Variants in CT45A10 observed in about 807,000 individuals in gnomAD.
The protein encoded by CT45A10 is cancer/testis antigen family 45 member A10.
CT45A10 carries 19 observed loss-of-function variants against 8.3 expected under a neutral mutation model. The ratio of observed to expected loss-of-function variants is 2.30; its 90% CI spans 1.61 to 3.38. The LOEUF is 3.38. Ranked by LOEUF, CT45A10 falls within the 30% of genes most tolerant of loss-of-function variation. CT45A10 has a pLI of 0.00. For missense variants in CT45A10, 149 were observed against 85.9 expected (o/e 1.73, Z -2.90); for synonymous variants, 28 against 26.5 (o/e 1.06, Z -0.17).
intron 1 of CT45A10, among the ~76,000 whole-genome samples, chrX:135,889,921 C>A (rs1318039544): frequency 1.8e-5 from 2 of 111,529 alleles, no homozygotes; most frequent in Admixed American, 1.9e-4. Context: ...TAATTTCAAC[C>A]CCTGACCTAA....
At chrX:135,882,042 C>T (rs1380555977) in intron 4 of CT45A10, among the ~76,000 whole-genome samples, 440 of 48,033 alleles carry the variant, frequency 9.2e-3, no homozygotes, top group African/African-American at 0.041. Context: ...AATAAGATGT[C>T]GTATTTCATA....
chrX:135,892,156 A>G (rs2088509818), intron 1 of CT45A10, among the ~76,000 whole-genome samples: 1 of 111,476 alleles, frequency 9.0e-6, no homozygotes, highest in African/African-American at 3.3e-5. Flanking sequence ...CCCCATCTCT[A>G]CTAAAAAATA....
chrX:135,888,036 C>A (rs1208908007), intron 1 of CT45A10, among the ~76,000 whole-genome samples: 302 of 111,224 alleles, frequency 2.7e-3, no homozygotes, highest in African/African-American at 8.8e-3. Flanking sequence ...CAACCTGGGT[C>A]GAGACAGAGT....
At position 135,890,693 on chromosome X, in the gene CT45A10, TAA is replaced by T. The variant is rs782340040; in HGVS notation, c.-7+2650_-7+2651del. ...CCTTCCATGGAATGGAAGACATTAT[TAA>T]GAGACATTATTGTTAATTCTCTCAG... On this transcript the variant is annotated intron_variant, in intron 1 of 4. Coordinates refer to ENST00000682849, the MANE Select transcript of CT45A10 (RefSeq NM_001291529.2). Among the ~76,000 whole-genome samples the T allele has an allele frequency of 4.5e-5, 5 of 112,352 alleles. No homozygotes were observed. The East Asian group carries it at 1.4e-3, about 31-fold the overall frequency.
At chrX:135,892,534 C>A (rs962288639) in intron 1 of CT45A10, among the ~76,000 whole-genome samples, 5 of 111,034 alleles carry the variant, frequency 4.5e-5, no homozygotes, top group African/African-American at 9.8e-5. Flanking sequence ...AGGAAAAGCA[C>A]CCAACCCTGG....
At chrX:135,891,376 A>T (rs1556589981) in intron 1 of CT45A10, among the ~76,000 whole-genome samples, 1 of 107,940 alleles carries the variant, frequency 9.3e-6, no homozygotes, top group Non-Finnish European at 1.9e-5. Flanking sequence ...ATATACATTA[A>T]TCATATATAA....
At chrX:135,892,172 A>G (rs782172057) in intron 1 of CT45A10, among the ~76,000 whole-genome samples, 18 of 111,602 alleles carry the variant, frequency 1.6e-4, no homozygotes, top group East Asian at 5.6e-4. Context: ...AAATACAAAG[A>G]TTAGCCAGGC....
intron 1 of CT45A10, among the ~76,000 whole-genome samples, 191 bp downstream of exon 1, chrX:135,893,154 G>A (rs782791474): frequency 2.5e-4 from 28 of 110,819 alleles, no homozygotes; most frequent in South Asian, 1.6e-3. Context: ...CAAGGAAAAC[G>A]CTCCCCCATG....
chrX:135,889,144 G>A, intron 1 of CT45A10: 1 of 581,677 alleles, frequency 1.7e-6, no homozygotes, highest in Non-Finnish European at 2.1e-6. Flanking sequence ...CAGAGAACCA[G>A]GAAGCGCAGC....
chrX:135,889,600 C>G (rs1184944392), intron 1 of CT45A10, among the ~76,000 whole-genome samples: 1 of 111,501 alleles, frequency 9.0e-6, no homozygotes, highest in Admixed American at 9.5e-5. Context: ...CCTGTAATGT[C>G]AGCACCTTGG....
At chrX:135,882,952 CAT>C (rs1415825938) in intron 3 of CT45A10, 54 bp downstream of exon 3, 42 of 1,163,471 alleles carry the variant, frequency 3.6e-5, no homozygotes, top group Non-Finnish European at 4.9e-5. Flanking sequence ...TCTTCTGAAT[CAT>C]AGAAAGAGTG....
In CT45A10 at chrX:135,882,954, T is replaced by C. The variant is rs1357736478; in HGVS notation, c.418+54A>G. 1.2e-5 allele frequency: 14 copies of C among 1,168,761 alleles called. 1 individual carries two copies. The highest frequency in any genetic ancestry group is 5.4e-5 in the African/African-American group (3 of 55,886). The stretch of plus-strand genomic sequence containing the variant: ...GGTAACATGGATATCTTCTGAATCA[T>C]AGAAAGAGTGACTTCCTACAGTTTT... On this transcript the variant is annotated intron_variant, in intron 3 of 4. Transcript: ENST00000682849.
intron 2 of CT45A10, among the ~76,000 whole-genome samples, chrX:135,883,589 C>G (rs1483773559): frequency 9.4e-6 from 1 of 105,978 alleles, no homozygotes; most frequent in African/African-American, 3.5e-5. Flanking sequence ...AAGCAACATT[C>G]ACAGATCCCT....
intron 4 of CT45A10, among the ~76,000 whole-genome samples, chrX:135,882,043 G>A (rs1160796694): frequency 4.0e-5 from 2 of 49,763 alleles, no homozygotes; most frequent in African/African-American, 8.4e-5. Flanking sequence ...ATAAGATGTC[G>A]TATTTCATAG....
Position 135,883,056 on chromosome X carries a change from C to A in CT45A10, c.370G>T (p.Ala124Ser), listed in dbSNP as rs1462349676. 2 of 1,197,198 alleles carry A rather than the reference C, an allele frequency of 1.7e-6. No individual in the cohort carries two copies. The highest frequency in any genetic ancestry group is 3.5e-5 in the African/African-American group (2 of 56,479). ...TTCACTACTTGACATTTTATATCAG[C>A]ATTAATTTCTTGTTGGCTTTTGGGA... ...SSPKSQQEIN[A>S]DIKCQVVKEI... The change falls in exon 3 of 5, where the codon GCT becomes TCT. Residue 124 changes from alanine to serine, a missense_variant. Ala to Ser is a moderately conservative substitution (Grantham distance 99). Coordinates refer to ENST00000682849, the MANE Select transcript of CT45A10 (RefSeq NM_001291529.2).
chrX:135,883,642 G>T (rs1733461123), intron 2 of CT45A10, among the ~76,000 whole-genome samples: 1 of 90,576 alleles, frequency 1.1e-5, no homozygotes, highest in African/African-American at 4.1e-5. Flanking sequence ...TTTACAAGGT[G>T]AAAGCAGCAA....
intron 1 of CT45A10, among the ~76,000 whole-genome samples, chrX:135,893,141 G>A (rs1018969993): frequency 8.1e-5 from 9 of 110,753 alleles, no homozygotes; most frequent in African/African-American, 3.0e-4. Context: ...GAGATGGGGT[G>A]CCCAAGGAAA....
intron 1 of CT45A10, among the ~76,000 whole-genome samples, chrX:135,891,840 A>G (rs782712434): frequency 8.9e-6 from 1 of 111,816 alleles, no homozygotes; most frequent in Non-Finnish European, 1.9e-5. Flanking sequence ...TATGTATTTT[A>G]ATACATGTAC....
chrX:135,882,996 T>G lies in CT45A10; in HGVS notation c.418+12A>C. 8.4e-7 allele frequency: 1 copy of G among 1,196,696 alleles called. No individual in the cohort carries two copies. The highest frequency in any genetic ancestry group is 1.1e-6 in the Non-Finnish European group (1 of 884,395). ...TACAGTTTTATAAAACAGACGTTCT[T>G]ACACTACTTACTTCGTCCAAGGCAT... On this transcript the variant is annotated intron_variant, in intron 3 of 4. Transcript: ENST00000682849.
Sources: allele counts gnomAD v4.1 joint callset (sites outside exome capture counted in the v4.1 genomes callset), GRCh38; gene constraint gnomAD v4.1.1; transcripts MANE v1.5; gene names NCBI Gene and HGNC (gene_info 2026-07-23, HGNC 2026-07-21).